Variants in PAPPA2 observed in about 807,000 individuals in gnomAD.
PAPPA2 encodes pappalysin 2.
PAPPA2 carries 86 observed loss-of-function variants against 176.4 expected under a neutral mutation model. The observed-to-expected ratio is 0.49, with a 90% CI of 0.41 to 0.58. The LOEUF is 0.58. Among genes scored for constraint, PAPPA2 ranks in the 20% least tolerant of loss-of-function variants. The pLI, the probability that PAPPA2 is intolerant of heterozygous loss-of-function variation, is 0.00. For missense variants in PAPPA2, 2,073 were observed against 2,256.9 expected (o/e 0.92, Z 1.65); for synonymous variants, 809 against 852.2 (o/e 0.95, Z 0.88).
intron 8 of PAPPA2, among the ~76,000 whole-genome samples, chr1:176,700,147 T>C (rs932004278): frequency 2.0e-5 from 3 of 152,206 alleles, no homozygotes; most frequent in Non-Finnish European, 4.4e-5. Flanking sequence ...CTCCTCTTCC[T>C]GTTAGTTCTG....
intron 3 of PAPPA2, among the ~76,000 whole-genome samples, chr1:176,612,308 C>T (rs1654973938): frequency 1.3e-5 from 2 of 151,940 alleles, no homozygotes; most frequent in Admixed American, 6.6e-5. Context: ...GCATGAGAAT[C>T]GCCTGAATCT....
intron 1 of PAPPA2, among the ~76,000 whole-genome samples, chr1:176,551,107 A>G (rs1650923249): frequency 6.6e-6 from 1 of 152,212 alleles, no homozygotes; most frequent in Admixed American, 6.5e-5. Flanking sequence ...AGGGGGCCGT[A>G]GTAGATTACC....
chr1:176,553,526 G>A (rs1423478365), intron 1 of PAPPA2: 1 of 152,090 alleles, frequency 6.6e-6, no homozygotes, highest in South Asian at 2.1e-4. Flanking sequence ...CTGAAGGAGA[G>A]TGGTGAGCAA....
chr1:176,466,962 C>CACTCGGTT, intron 1 of PAPPA2, among the ~76,000 whole-genome samples: 1 of 152,148 alleles, frequency 6.6e-6, no homozygotes, highest in Non-Finnish European at 1.5e-5. Context: ...ATGGGAGGTC[C>CACTCGGTT]AACCCTTCTG....
At chr1:176,771,902 A>G (rs1664246796) in intron 17 of PAPPA2, among the ~76,000 whole-genome samples, 1 of 152,176 alleles carries the variant, frequency 6.6e-6, no homozygotes, top group African/African-American at 2.4e-5. Context: ...CCCCTTTATC[A>G]GCTGAGTAAC....
chr1:176,522,251 T>C (rs1401994978), intron 1 of PAPPA2, among the ~76,000 whole-genome samples: 1 of 152,228 alleles, frequency 6.6e-6, no homozygotes, highest in Non-Finnish European at 1.5e-5. Context: ...TTCAAACTTG[T>C]AGCAATATGG....
chr1:176,589,959 G>A lies in PAPPA2; in HGVS notation c.920-4565G>A, dbSNP rs556728861. ...TTAATGAGGTCAAGAAAGTAGGGCT[G>A]AGGGTCCCTCCTGGGAGCATGTGGG... On this transcript the variant is annotated intron_variant, in intron 2 of 22. Coordinates refer to ENST00000367662, the MANE Select transcript of PAPPA2 (RefSeq NM_020318.3). Among the ~76,000 whole-genome samples, 373 of 152,308 alleles carry A rather than the reference G, an allele frequency of 2.4e-3. 5 individuals carry two copies. The highest frequency in any genetic ancestry group is 8.3e-3 in the African/African-American group (347 of 41,578).
intron 21 of PAPPA2, among the ~76,000 whole-genome samples, chr1:176,809,031 C>A (rs995426161): frequency 6.6e-6 from 1 of 152,012 alleles, no homozygotes; most frequent in East Asian, 1.9e-4. Flanking sequence ...AAACTTTATA[C>A]AAGGTTATAA....
At position 176,673,429 on chromosome 1, in the gene PAPPA2, C is replaced by T. The variant is rs565176072; in HGVS notation, c.2137+2314C>T. Among the ~76,000 whole-genome samples the T allele has an allele frequency of 2.0e-5, 3 of 152,244 alleles. No homozygotes were observed. The South Asian group carries it at 6.2e-4, about 32-fold the overall frequency. On this transcript the variant is annotated intron_variant, in intron 4 of 22. Transcript: ENST00000367662. ...GTAAGAAAATATCTCCAACTTGATG[C>T]ACACTCCCATCACCAAGAATAACCT...
At chr1:176,773,504 AAAAC>A (rs374537910) in intron 17 of PAPPA2, among the ~76,000 whole-genome samples, 12 of 152,148 alleles carry the variant, frequency 7.9e-5, no homozygotes, top group Admixed American at 4.6e-4. Flanking sequence ...ACAGTGTAGT[AAAAC>A]AAACAAACAA....
In PAPPA2 at chr1:176,634,545, A is replaced by C. The variant is rs1261116995; in HGVS notation, c.1992-36425A>C. 4.2e-4 allele frequency among the ~76,000 whole-genome samples: 64 copies of C among 152,146 alleles called. 1 individual carries two copies. Among genetic ancestry groups the C allele is most frequent in the Non-Finnish European group, 5.9e-5 (4 of 68,000 alleles). ...CATGGCACATGTATACATATGTAAT[A>C]AACCTGCACGTTGTGCACATGTATC... On this transcript the variant is annotated intron_variant, in intron 3 of 22. Coordinates refer to ENST00000367662, the MANE Select transcript of PAPPA2 (RefSeq NM_020318.3).
At position 176,556,881 on chromosome 1, in the gene PAPPA2, A is replaced by G. The variant is rs777430119; in HGVS notation, c.559A>G (p.Thr187Ala). The G allele has an allele frequency of 6.2e-7, 1 of 1,614,038 alleles. No homozygotes were observed. The highest frequency in any genetic ancestry group is 8.5e-7 in the Non-Finnish European group (1 of 1,180,012). Residue 187 changes from threonine to alanine, a missense_variant, in exon 2 of 23, where the codon ACC (threonine) becomes GCC (alanine). Coordinates refer to ENST00000367662, the MANE Select transcript of PAPPA2 (RefSeq NM_020318.3). The stretch of plus-strand genomic sequence containing the variant: ...AACCCTGAACGAACCCAAACCAGAG[A>G]CCCAAAGGAGGGGCTGGGCCAAGTC... ...FTTLNEPKPE[T>A]QRRGWAKSRQ...
At chr1:176,507,124 A>C (rs1648317881) in intron 1 of PAPPA2, among the ~76,000 whole-genome samples, 1 of 152,164 alleles carries the variant, frequency 6.6e-6, no homozygotes, top group Admixed American at 6.6e-5. Context: ...AAAAAAGGGC[A>C]AAAGACATGA....
intron 19 of PAPPA2, among the ~76,000 whole-genome samples, chr1:176,791,900 G>A (rs1476849357): frequency 6.6e-6 from 1 of 152,206 alleles, no homozygotes; most frequent in Admixed American, 6.5e-5. Context: ...TGAAATGCAA[G>A]TTGACTCTTA....
intron 12 of PAPPA2, among the ~76,000 whole-genome samples, chr1:176,730,437 T>C (rs2102861046): frequency 6.6e-6 from 1 of 152,170 alleles, no homozygotes; most frequent in East Asian, 1.9e-4. Flanking sequence ...TTCAACTCTA[T>C]TTTAGCTGTA....
At chr1:176,691,752 A>T (rs1249989436) in intron 5 of PAPPA2, among the ~76,000 whole-genome samples, 1 of 152,170 alleles carries the variant, frequency 6.6e-6, no homozygotes, top group Non-Finnish European at 1.5e-5. Flanking sequence ...TGCCAACGTC[A>T]CTGGGCAATA....
intron 1 of PAPPA2, among the ~76,000 whole-genome samples, chr1:176,527,753 G>T (rs1456626278): frequency 1.3e-5 from 2 of 152,144 alleles, no homozygotes; most frequent in African/African-American, 4.8e-5. Flanking sequence ...TTTCCATTCA[G>T]AAGAAACCCT....
chr1:176,598,387 A>G (rs1369985036), intron 3 of PAPPA2, among the ~76,000 whole-genome samples: 1 of 152,134 alleles, frequency 6.6e-6, no homozygotes, highest in Admixed American at 6.5e-5. Context: ...ACTCTCTTAC[A>G]TTATCTCCTT....
intron 1 of PAPPA2, among the ~76,000 whole-genome samples, chr1:176,474,363 C>T (rs1652018678): frequency 6.6e-6 from 1 of 152,164 alleles, no homozygotes; most frequent in South Asian, 2.1e-4. Context: ...ATTGACCTGG[C>T]CTGGAAGTGA....
Sources: gnomAD v4.1 joint callset for allele counts (sites outside exome capture counted in the v4.1 genomes callset) on GRCh38, gnomAD v4.1.1 for gene constraint, MANE v1.5 for transcripts, NCBI Gene and HGNC (gene_info 2026-07-23, HGNC 2026-07-21) for gene names.